The following KIF1B variants were observed in gnomAD, a reference collection of about 807,000 sequenced individuals.
KIF1B encodes kinesin-like protein KIF1B.
A neutral mutation model predicts 241.9 loss-of-function variants in KIF1B; 76 were observed. That is an observed-to-expected ratio of 0.31 (90% CI 0.26 to 0.38). The LOEUF (loss-of-function observed/expected upper bound fraction) is 0.38. Ranked by LOEUF, KIF1B falls within the 10% of genes least tolerant of loss-of-function variation. The pLI is 1.00. For missense variants in KIF1B, 1,622 were observed against 2,271.4 expected, an observed-to-expected ratio of 0.71 and a Z score of 5.81; for synonymous variants, 750 against 796.7, an observed-to-expected ratio of 0.94 and a Z score of 0.99.
chr1:10,275,009 A>G (rs1027918717), intron 10 of KIF1B: 34 of 328,146 alleles, frequency 1.0e-4, no homozygotes, highest in Non-Finnish European at 1.3e-4. Flanking sequence ...TTTTCTGTGT[A>G]AGAGAATGTT....
chr1:10,304,872 C>T lies in KIF1B; in HGVS notation c.2115+7626C>T, dbSNP rs189658670. The T allele has an allele frequency of 3.2e-5, 45 of 1,391,082 alleles. No individual in the cohort carries two copies. In the African/African-American group the frequency reaches 5.9e-4, roughly 18 times the overall value. 86.2% of individuals were successfully genotyped at this position (1,391,082 alleles called of 1,614,324 possible). On this transcript the variant is annotated intron_variant, in intron 22 of 48. Coordinates refer to ENST00000676179, the MANE Select transcript of KIF1B (RefSeq NM_001365951.3). ...GAAATTTTGGATAAAGCATCAAGAACTCCTTTTTCTGAAACGTTCCTCCTT... is the reference window on the plus strand; with the variant it reads ...GAAATTTTGGATAAAGCATCAAGAATTCCTTTTTCTGAAACGTTCCTCCTT...
intron 31 of KIF1B, among the ~76,000 whole-genome samples, chr1:10,338,902 T>C (rs17402390): frequency 0.015 from 2,308 of 152,328 alleles, 17 homozygotes; most frequent in Middle Eastern, 0.027. Flanking sequence ...ACGGGTGAAC[T>C]AATTTGGAAG....
chr1:10,298,242 C>G (rs1650364602), intron 22 of KIF1B, among the ~76,000 whole-genome samples: 1 of 152,184 alleles, frequency 6.6e-6, no homozygotes, highest in Non-Finnish European at 1.5e-5. Context: ...AAAGTTCAAG[C>G]ACTGGCTTCT....
chr1:10,243,333 C>T (rs774768689), intron 2 of KIF1B, among the ~76,000 whole-genome samples: 2 of 152,162 alleles, frequency 1.3e-5, no homozygotes, highest in Non-Finnish European at 2.9e-5. Context: ...GTGGGAAGAA[C>T]GCTTAAACCT....
At chr1:10,224,631 C>G (rs1321515228) in intron 1 of KIF1B, among the ~76,000 whole-genome samples, 2 of 151,976 alleles carry the variant, frequency 1.3e-5, no homozygotes, top group Non-Finnish European at 1.5e-5. Context: ...AATATGTTGC[C>G]CAGGCTGGTC....
Position 10,374,562 on chromosome 1 carries a change from C to T in KIF1B, c.5096+97C>T. 7.4e-7 allele frequency: 1 copy of T among 1,351,942 alleles called. No individual in the cohort carries two copies. The highest frequency in any genetic ancestry group is 1.2e-5 in the South Asian group (1 of 84,932). 83.7% of individuals were successfully genotyped at this position (1,351,942 alleles called of 1,614,324 possible). ...TTCCCTGTGAGGTCTGTACTGTAGTCTGATGCAATCTGTACTGTAGTCTGA... is the reference window on the plus strand; with the variant it reads ...TTCCCTGTGAGGTCTGTACTGTAGTTTGATGCAATCTGTACTGTAGTCTGA... On this transcript the variant is annotated intron_variant, in intron 46 of 48. Coordinates refer to ENST00000676179, the MANE Select transcript of KIF1B (RefSeq NM_001365951.3). This position sits in a 1 kb window ranked among gnomAD's most constrained non-coding sequence, Gnocchi z 4.3.
rs1466548559 is a variant in KIF1B, at chr1:10,372,661, GAGCTGTCA to G, written c.4946+1400_4946+1407del. Among the ~76,000 whole-genome samples the G allele has an allele frequency of 6.3e-3, 764 of 120,524 alleles. 11 individuals carry two copies. The highest frequency in any genetic ancestry group is 0.023 in the African/African-American group (713 of 30,448). 79.1% of individuals were successfully genotyped at this position (120,524 alleles called of 152,430 possible). On this transcript the variant is annotated intron_variant, in intron 45 of 48. Coordinates refer to ENST00000676179, the MANE Select transcript of KIF1B (RefSeq NM_001365951.3). ...CCGCTGCGCGCCAGCTTGGGTGACA[GAGCTGTCA>G]CCCAAGCTGGCGCGCAGCGGCGCAA...
intron 32 of KIF1B, among the ~76,000 whole-genome samples, chr1:10,341,634 G>A (rs1490280783): frequency 6.6e-6 from 1 of 152,094 alleles, no homozygotes; most frequent in Non-Finnish European, 1.5e-5. Context: ...TGTTGCAAGA[G>A]TCCTGCATAG....
chr1:10,215,736 AG>A (rs1414927382), intron 1 of KIF1B, among the ~76,000 whole-genome samples: 1 of 151,852 alleles, frequency 6.6e-6, no homozygotes, highest in Non-Finnish European at 1.5e-5. Flanking sequence ...GTAGAGATGG[AG>A]GTCTCACTAT....
At chr1:10,375,918 T>C (rs1469546596) in intron 48 of KIF1B, among the ~76,000 whole-genome samples, 2 of 149,734 alleles carry the variant, frequency 1.3e-5, no homozygotes, top group East Asian at 4.0e-4. Context: ...TGCCTCAGTC[T>C]CCTGAGTAGC....
intron 1 of KIF1B, among the ~76,000 whole-genome samples, chr1:10,216,369 C>G (rs1048075367): frequency 1.3e-5 from 2 of 152,224 alleles, no homozygotes; most frequent in African/African-American, 2.4e-5. Flanking sequence ...TTCTCCCACT[C>G]TAAGTCTCCT....
At chr1:10,258,431 C>G (rs1647924316) in intron 3 of KIF1B, 62 bp from the exon 4 acceptor site, 2 of 1,526,132 alleles carry the variant, frequency 1.3e-6, no homozygotes, top group Non-Finnish European at 1.8e-6. Context: ...TGGAAGCAAT[C>G]AAGTAAGTAT....
intron 15 of KIF1B, among the ~76,000 whole-genome samples, chr1:10,289,001 TATC>T (rs1414039428): frequency 6.6e-6 from 1 of 152,336 alleles, no homozygotes; most frequent in South Asian, 2.1e-4. Context: ...AGTAACCTGT[TATC>T]ATATGAATCA....
intron 43 of KIF1B, among the ~76,000 whole-genome samples, chr1:10,367,474 T>C (rs566892352): frequency 3.4e-4 from 51 of 151,870 alleles, no homozygotes; most frequent in Non-Finnish European, 6.5e-4. Context: ...GAGGCTGAGG[T>C]GGGCGGATTG....
intron 26 of KIF1B, 112 bp downstream of exon 26, chr1:10,325,007 G>T (rs867830681): frequency 8.2e-7 from 1 of 1,222,884 alleles, no homozygotes. Flanking sequence ...GTGTAAAAAG[G>T]CCTTATCTAT....
rs530634892 is a variant in KIF1B, at chr1:10,350,160, G to T, written c.3949+1427G>T. ...AAAAATTAGCTGGTTGTGGTGGCGG[G>T]CGCCTGTAGTCCCAGGTACTCGGAA... is the stretch of plus-strand genomic sequence containing the variant. On this transcript the variant is annotated intron_variant, in intron 37 of 48. Coordinates refer to ENST00000676179, the MANE Select transcript of KIF1B (RefSeq NM_001365951.3). Among the ~76,000 whole-genome samples the T allele has an allele frequency of 1.1e-3, 166 of 151,844 alleles. 1 individual carries two copies. The highest frequency in any genetic ancestry group is 3.7e-3 in the African/African-American group (151 of 41,364).
At chr1:10,276,909 C>CT (rs1649143209) in intron 12 of KIF1B, among the ~76,000 whole-genome samples, 1 of 151,910 alleles carries the variant, frequency 6.6e-6, no homozygotes, top group East Asian at 1.9e-4. Context: ...GATGAAACCC[C>CT]ATCTCTACTA....
At position 10,258,719 on chromosome 1, in the gene KIF1B, A is replaced by G. The variant is rs370303220; in HGVS notation, c.363+47A>G. ...AAATCTTCTCTTCATTATTAGTGTTAGTCTTAAATTGCTTTAACAGTTATT... is the reference window on the plus strand; with the variant it reads ...AAATCTTCTCTTCATTATTAGTGTTGGTCTTAAATTGCTTTAACAGTTATT... On this transcript the variant is annotated intron_variant, in intron 4 of 48. Coordinates refer to ENST00000676179, the MANE Select transcript of KIF1B (RefSeq NM_001365951.3). 6.8e-5 allele frequency: 107 copies of G among 1,571,644 alleles called. 1 individual carries two copies. In the Middle Eastern group the frequency reaches 2.3e-3, roughly 35 times the overall value.
At chr1:10,305,495 A>G (rs1650785653) in intron 22 of KIF1B, 1 of 1,059,286 alleles carries the variant, frequency 9.4e-7, no homozygotes, top group African/African-American at 1.6e-5. Context: ...TAAGGAGGTT[A>G]TTTGGCTTGA....
Sources: gnomAD v4.1 joint callset for allele counts (sites outside exome capture counted in the v4.1 genomes callset) on GRCh38, gnomAD v4.1.1 for gene constraint, Gnocchi (gnomAD v3.1) non-coding constraint, MANE v1.5 for transcripts, NCBI Gene and HGNC (gene_info 2026-07-23, HGNC 2026-07-21) for gene names.